NEB: variants seen among roughly 807,000 people sequenced by gnomAD.
The protein encoded by NEB is nemaline myopathy type 2.
In NEB, 512 loss-of-function variants were observed where a neutral mutation model predicts 952.2. That is an observed-to-expected ratio of 0.54 (90% CI 0.50 to 0.58). The LOEUF (loss-of-function observed/expected upper bound fraction) is 0.58. Ranked by LOEUF, NEB falls within the 20% of genes least tolerant of loss-of-function variation. The pLI is 0.00. For synonymous variants in NEB, 2,900 were observed against 3,149.8 expected (o/e 0.92, Z 2.66); for missense variants, 8,428 against 9,231.1 (o/e 0.91, Z 3.56).
intron 9 of NEB, among the ~76,000 whole-genome samples, chr2:151,721,235 A>G (rs908818125): frequency 1.8e-4 from 27 of 152,276 alleles, no homozygotes; most frequent in Non-Finnish European, 2.6e-4. Context: ...TTGCTCATCA[A>G]AATTACTCCA....
In NEB at chr2:151,710,528, T is replaced by A; in HGVS notation, c.833A>T (p.Lys278Ile). 6.3e-7 allele frequency: 1 copy of A among 1,596,000 alleles called. No individual in the cohort carries two copies. Among genetic ancestry groups the A allele is most frequent in the Non-Finnish European group, 8.6e-7 (1 of 1,168,780 alleles). Residue 278 changes from lysine (K) to isoleucine (I), a missense_variant, in exon 11 of 182, where the codon AAA becomes ATA. Physicochemically the swap from Lys to Ile is moderately radical, Grantham distance 102 (BLOSUM62 -3). Coordinates refer to ENST00000397345, the MANE Select transcript of NEB (RefSeq NM_001164508.2). ...TTTGATTTTATTTTCATAGTCTTCT[T>A]TGTATTTTTGCTAGAAAAAAGAAAA... ...VTNQVSKQKY[K>I]EDYENKIKGK...
At chr2:151,701,628 T>C (rs1029306846) in intron 13 of NEB, among the ~76,000 whole-genome samples, 2 of 151,820 alleles carry the variant, frequency 1.3e-5, no homozygotes, top group African/African-American at 2.4e-5. Flanking sequence ...ATCCATTTCT[T>C]CTAGATTTTC....
intron 10 of NEB, 62 bp downstream of exon 10, chr2:151,717,354 G>A (rs976581912): frequency 1.7e-6 from 2 of 1,158,806 alleles, no homozygotes; most frequent in African/African-American, 3.0e-5. Flanking sequence ...AACCCTCTCT[G>A]ATGGTTGAAA....
chr2:151,679,126 G>C (rs1344050759), intron 32 of NEB, among the ~76,000 whole-genome samples: 1 of 152,128 alleles, frequency 6.6e-6, no homozygotes, highest in Admixed American at 6.6e-5. Flanking sequence ...AGAAATCATG[G>C]GGAGGGGGAT....
intron 12 of NEB, among the ~76,000 whole-genome samples, chr2:151,707,989 C>G (rs571949102): frequency 6.6e-6 from 1 of 152,136 alleles, no homozygotes; most frequent in African/African-American, 2.4e-5. Flanking sequence ...GATTCACAAA[C>G]TTTACTCTCC....
chr2:151,667,804 A>C lies in NEB; in HGVS notation c.4719T>G (p.Asp1573Glu), dbSNP rs774397428. 2 of 1,610,638 alleles carry C rather than the reference A, an allele frequency of 1.2e-6. No homozygotes were observed. The highest frequency in any genetic ancestry group is 2.2e-5 in the South Asian group (2 of 90,710). ...AAKSSRNIAS[D>E]CKYKEAYEKA... ...TTTCCTACTTTTAAGTTAGACTTAC[A>C]TCACTAGCAATATTCCTTGAACTTT... The change falls in exon 40 of 182, where the codon GAT becomes GAG. Residue 1573 changes from aspartate to glutamate, a missense_variant and splice_region_variant. Asp to Glu is a conservative substitution (Grantham distance 45, BLOSUM62 2). Coordinates refer to ENST00000397345, the MANE Select transcript of NEB (RefSeq NM_001164508.2).
In NEB at chr2:151,546,001, T is replaced by TA. The variant is rs10687343; in HGVS notation, c.20467-4dup. On this transcript the variant is annotated splice_polypyrimidine_tract_variant and splice_region_variant and intron_variant, in intron 134 of 181. Coordinates refer to ENST00000397345, the MANE Select transcript of NEB (RefSeq NM_001164508.2). ...TTATCAGTGTATAGGTAATTAGACT[T>TA]AAAAAAAAAAAAAAAAACAGAAATA... 0.27 allele frequency: 255,467 copies of TA among 933,290 alleles called. 5,861 individuals are homozygous for TA. The highest frequency in any genetic ancestry group is 0.33 in the Admixed American group (12,136 of 36,840). The allele number at this position is 933,290 out of a possible 1,614,324, so 57.8% of individuals were successfully genotyped here. A position where few individuals can be genotyped will look rare whatever the true frequency, so the allele number is the denominator to read the frequency against.
At chr2:151,532,959 G>A (rs779562024) in intron 143 of NEB, among the ~76,000 whole-genome samples, 2 of 152,092 alleles carry the variant, frequency 1.3e-5, no homozygotes, top group Non-Finnish European at 2.9e-5. Flanking sequence ...TAGCAATTCA[G>A]CATCAAAGTC....
chr2:151,570,796 C>G (rs1170391210), intron 107 of NEB, among the ~76,000 whole-genome samples, 195 bp from the exon 108 acceptor site: 1 of 152,084 alleles, frequency 6.6e-6, no homozygotes, highest in Non-Finnish European at 1.5e-5. Flanking sequence ...GTCCAAAGGT[C>G]TGGGCTTGAC....
chr2:151,616,984 G>C (rs2098221881), intron 75 of NEB, among the ~76,000 whole-genome samples: 1 of 152,176 alleles, frequency 6.6e-6, no homozygotes, highest in South Asian at 2.1e-4. Flanking sequence ...ATGATTATCA[G>C]AGCATACTGG....
chr2:151,717,462 G>C lies in NEB; in HGVS notation c.776C>G (p.Pro259Arg). 1 of 1,613,926 alleles carries C rather than the reference G, an allele frequency of 6.2e-7. No individual in the cohort carries two copies. Among genetic ancestry groups the C allele is most frequent in the South Asian group, 1.1e-5 (1 of 91,080 alleles). Residue 259 changes from proline to arginine, a missense_variant, in exon 10 of 182, where the codon CCT becomes CGT. This residue lies in a region of NEB where 2,851 missense variants were observed against 2,791.5 expected (regional missense o/e 1.02). Transcript: ENST00000397345. ...QQAQFTPLAD[P>R]PDIEFAKKVT... ...TTTCTTGGCAAATTCTATATCTGGA[G>C]GATCAGCCAGAGGCGTGAATTGAGC...
chr2:151,618,597 G>T, intron 73 of NEB, 119 bp from the exon 74 acceptor site: 1 of 1,013,900 alleles, frequency 9.9e-7, no homozygotes, highest in Non-Finnish European at 1.4e-6. Context: ...TCCTAGCATA[G>T]TCATTCACTC....
At chr2:151,507,078 A>G (rs72861620) in intron 162 of NEB, 65 bp from the exon 163 acceptor site, 2 of 998,330 alleles carry the variant, frequency 2.0e-6, no homozygotes, top group Non-Finnish European at 1.5e-6. Context: ...TATTTGTCCT[A>G]TATTATGTGA....
At chr2:151,614,180 G>GA in intron 77 of NEB, 96 bp downstream of exon 77, 1 of 1,359,602 alleles carries the variant, frequency 7.4e-7, no homozygotes, top group South Asian at 1.4e-5. Flanking sequence ...CTAAAGAGGT[G>GA]TCTGTAGGTT....
chr2:151,507,130 C>T, intron 162 of NEB, 117 bp from the exon 163 acceptor site: 1 of 653,756 alleles, frequency 1.5e-6, no homozygotes, highest in Non-Finnish European at 2.6e-6. Flanking sequence ...AGTCTATGCA[C>T]AATAATTATG....
chr2:151,511,080 G>A (rs918217763), intron 161 of NEB, among the ~76,000 whole-genome samples: 2 of 152,214 alleles, frequency 1.3e-5, no homozygotes, highest in African/African-American at 2.4e-5. Flanking sequence ...AGCAAGTGAC[G>A]TGATCCCACA....
chr2:151,615,952 T>A (rs1407221137), intron 76 of NEB, 50 bp downstream of exon 76: 22 of 1,375,388 alleles, frequency 1.6e-5, no homozygotes, highest in Non-Finnish European at 2.2e-5. Flanking sequence ...AAAGCTTCTA[T>A]TTGTCAACAT....
At chr2:151,701,801 C>G (rs1413799546) in intron 13 of NEB, among the ~76,000 whole-genome samples, 1 of 149,420 alleles carries the variant, frequency 6.7e-6, no homozygotes, top group Non-Finnish European at 1.5e-5. Flanking sequence ...TTTTGTTGAT[C>G]CTTTCAAAAA....
At chr2:151,718,832 T>A (rs957228297) in intron 9 of NEB, among the ~76,000 whole-genome samples, 11 of 152,208 alleles carry the variant, frequency 7.2e-5, no homozygotes, top group African/African-American at 2.7e-4. Flanking sequence ...TGCCCTCCTT[T>A]CTCTCTTCAT....
Sources: gnomAD v4.1 joint callset for allele counts (sites outside exome capture counted in the v4.1 genomes callset) on GRCh38, gnomAD v4.1.1 for gene constraint, gnomAD v4.1.1 regional missense constraint, MANE v1.5 for transcripts, NCBI Gene and HGNC (gene_info 2026-07-23, HGNC 2026-07-21) for gene names.